Variants in COL4A6 observed in about 807,000 individuals in gnomAD.
COL4A6 encodes the protein collagen type IV alpha 6 chain.
Under a neutral mutation model 126.7 loss-of-function variants are expected in COL4A6, and 59 were observed. The observed-to-expected ratio is 0.47, with a 90% CI of 0.38 to 0.58. The LOEUF (loss-of-function observed/expected upper bound fraction) is 0.58. Ranked by LOEUF, COL4A6 falls within the 20% of genes least tolerant of loss-of-function variation. The probability of loss-of-function intolerance (pLI) is 0.00; values close to 1 mark genes in which losing one functional copy is unlikely to be tolerated. For missense variants in COL4A6, 1,285 were observed against 1,337.3 expected (o/e 0.96, Z 0.61); for synonymous variants, 547 against 496.6 (o/e 1.10, Z -1.35).
intron 3 of COL4A6, among the ~76,000 whole-genome samples, chrX:108,269,339 G>T (rs766567888): frequency 1.8e-5 from 2 of 111,664 alleles, no homozygotes; most frequent in Non-Finnish European, 3.8e-5. Flanking sequence ...TTTTCTACCT[G>T]TAGGATGCTG....
intron 3 of COL4A6, among the ~76,000 whole-genome samples, chrX:108,233,756 T>C (rs905500944): frequency 8.9e-6 from 1 of 112,121 alleles, no homozygotes; most frequent in African/African-American, 3.2e-5. Context: ...TAGCCTGCCA[T>C]ATAATCATGG....
At chrX:108,390,297 TCTC>T (rs755055341) in intron 2 of COL4A6, among the ~76,000 whole-genome samples, 4 of 111,267 alleles carry the variant, frequency 3.6e-5, no homozygotes, top group South Asian at 7.7e-4. Context: ...TTGGGGAAGT[TCTC>T]CTGGATAATA....
intron 2 of COL4A6, among the ~76,000 whole-genome samples, chrX:108,394,448 A>T: frequency 9.0e-6 from 1 of 111,296 alleles, no homozygotes; most frequent in East Asian, 2.8e-4. Context: ...GAAAAAGAAA[A>T]AAAAAGTAAT....
chrX:108,255,538 T>G (rs1208443460), intron 3 of COL4A6, among the ~76,000 whole-genome samples: 5 of 111,068 alleles, frequency 4.5e-5, no homozygotes, highest in Non-Finnish European at 9.5e-5. Context: ...AGGCTCATTT[T>G]TCCTCCTCAT....
intron 3 of COL4A6, among the ~76,000 whole-genome samples, chrX:108,246,796 G>C (rs1308323885): frequency 9.0e-6 from 1 of 110,620 alleles, no homozygotes; most frequent in African/African-American, 3.3e-5. Flanking sequence ...GACAGGAAGG[G>C]GGGTATCTGA....
chrX:108,196,380 C>A (rs755822207), intron 14 of COL4A6, 131 bp downstream of exon 14: 241 of 548,806 alleles, frequency 4.4e-4, no homozygotes, highest in Non-Finnish European at 6.6e-4. Context: ...GTCTTAGGAA[C>A]CTGCCATTGG....
intron 2 of COL4A6, among the ~76,000 whole-genome samples, chrX:108,408,965 A>T (rs1302458503): frequency 8.9e-6 from 1 of 112,317 alleles, no homozygotes; most frequent in African/African-American, 3.2e-5. Flanking sequence ...CTGTCTCAAA[A>T]AAATAAATAA....
At chrX:108,420,883 T>C (rs2063971965) in intron 2 of COL4A6, among the ~76,000 whole-genome samples, 1 of 112,092 alleles carries the variant, frequency 8.9e-6, no homozygotes, top group South Asian at 3.7e-4. Context: ...AGTAGCAGAA[T>C]GAGCAAAAAG....
In COL4A6 at chrX:108,230,344, C is replaced by T. The variant is rs186885637; in HGVS notation, c.145-8970G>A. On this transcript the variant is annotated intron_variant, in intron 3 of 44. Coordinates refer to ENST00000334504, the MANE Select transcript of COL4A6 (RefSeq NM_033641.4). ...TGCACTGGGGAATCTTTGAGAAGGCCACTTCCAAGTCTCATTTGCTAGGAG... is the reference window on the plus strand; with the variant it reads ...TGCACTGGGGAATCTTTGAGAAGGCTACTTCCAAGTCTCATTTGCTAGGAG... 2.7e-5 allele frequency among the ~76,000 whole-genome samples: 3 copies of T among 111,651 alleles called. No homozygotes were observed. The Admixed American group carries it at 2.8e-4, about 11-fold the overall frequency.
chrX:108,289,540 G>A (rs1302791895), intron 3 of COL4A6, among the ~76,000 whole-genome samples: 4 of 109,981 alleles, frequency 3.6e-5, no homozygotes, highest in Middle Eastern at 9.3e-3. Context: ...CCAAGTTTTT[G>A]TTTTTGTTTT....
At chrX:108,286,971 A>T (rs997155436) in intron 3 of COL4A6, among the ~76,000 whole-genome samples, 1 of 111,437 alleles carries the variant, frequency 9.0e-6, no homozygotes, top group Non-Finnish European at 1.9e-5. Flanking sequence ...TAGAGCAGCC[A>T]TTTTGGACCC....
chrX:108,331,956 GTGTACAT>G (rs1927259464), intron 2 of COL4A6, among the ~76,000 whole-genome samples: 1 of 111,278 alleles, frequency 9.0e-6, no homozygotes, highest in Non-Finnish European at 1.9e-5. Flanking sequence ...CACCCAAACA[GTGTACAT>G]TGTACCCAAC....
intron 2 of COL4A6, among the ~76,000 whole-genome samples, chrX:108,343,394 T>C (rs1193003913): frequency 9.1e-6 from 1 of 110,157 alleles, no homozygotes; most frequent in African/African-American, 3.3e-5. Flanking sequence ...ATTGAGATTC[T>C]CAAGGTCTAT....
chrX:108,287,507 T>C (rs183954300), intron 3 of COL4A6, among the ~76,000 whole-genome samples: 67 of 112,000 alleles, frequency 6.0e-4, no homozygotes, highest in South Asian at 1.1e-3. Flanking sequence ...TAGGGCTAAT[T>C]TGGCACTGCT....
Position 108,364,622 on chromosome X carries a change from T to G in COL4A6, c.64-53794A>C, listed in dbSNP as rs1350004310. Among the ~76,000 whole-genome samples, 12 of 110,648 alleles carry G rather than the reference T, an allele frequency of 1.1e-4. No individual in the cohort carries two copies. The Admixed American group carries it at 1.2e-3, about 11-fold the overall frequency. On this transcript the variant is annotated intron_variant, in intron 2 of 44. Transcript: ENST00000334504. ...GTCTCAAATGTCTATCATTCCACAC[T>G]CTAGGTTCATGTGTACACATTTTTC... is the stretch of plus-strand genomic sequence containing the variant.
At chrX:108,301,616 G>A (rs2038492628) in intron 3 of COL4A6, among the ~76,000 whole-genome samples, 1 of 111,544 alleles carries the variant, frequency 9.0e-6, no homozygotes, top group Non-Finnish European at 1.9e-5. Flanking sequence ...AGAACACTAT[G>A]GAGGGGAATG....
At position 108,159,457 on chromosome X, in the gene COL4A6, C is replaced by A. The variant is rs2033844355; in HGVS notation, c.4812+5G>T. The A allele has an allele frequency of 8.3e-7, 1 of 1,211,921 alleles. No individual in the cohort carries two copies. Among genetic ancestry groups the A allele is most frequent in the Admixed American group, 2.2e-5 (1 of 46,085 alleles). ...ACTGGGGGAGGAGACAGTGCAGGACCTTACCATGAGGAAAGAGTACCCAAT... is the reference window on the plus strand; with the variant it reads ...ACTGGGGGAGGAGACAGTGCAGGACATTACCATGAGGAAAGAGTACCCAAT... On this transcript the variant is annotated splice_donor_5th_base_variant and intron_variant, in intron 44 of 44. Transcript: ENST00000334504.
rs368010650 is a variant in COL4A6 at position 108,278,177 on chromosome X, G to A, written c.144+32571C>T. ...GACGAGTTGAGAGAAGAAGGCTTCA[G>A]ACGATCAAACTACTCCGAGCTACAG... On this transcript the variant is annotated intron_variant, in intron 3 of 44. Coordinates refer to ENST00000334504, the MANE Select transcript of COL4A6 (RefSeq NM_033641.4). 1.1e-3 allele frequency among the ~76,000 whole-genome samples: 118 copies of A among 112,283 alleles called. 5 individuals are homozygous for A. The East Asian group carries it at 0.032, about 30-fold the overall frequency.
chrX:108,349,624 C>T (rs2039794638), intron 2 of COL4A6, among the ~76,000 whole-genome samples: 1 of 111,411 alleles, frequency 9.0e-6, no homozygotes, highest in African/African-American at 3.3e-5. Flanking sequence ...TAGCAGGCAC[C>T]AATAAATGCT....
Sources: gnomAD v4.1 joint callset for allele counts (sites outside exome capture counted in the v4.1 genomes callset) on GRCh38, gnomAD v4.1.1 for gene constraint, MANE v1.5 for transcripts, NCBI Gene and HGNC (gene_info 2026-07-23, HGNC 2026-07-21) for gene names.